The following LDAH variants were observed in gnomAD, a reference collection of about 807,000 sequenced individuals.
The protein encoded by LDAH is lipid droplet-associated hydrolase.
Under a neutral mutation model 29.6 loss-of-function variants are expected in LDAH, and 26 were observed. The observed-to-expected ratio is 0.88, with a 90% confidence interval of 0.64 to 1.22. The LOEUF is 1.22. Among genes scored for constraint, LDAH ranks in the 50% most tolerant of loss-of-function variants. LDAH has a pLI of 0.00. For missense variants in LDAH, 344 were observed against 387.3 expected (o/e 0.89, Z 0.94); for synonymous variants, 117 against 133.0 (o/e 0.88, Z 0.83).
At chr2:20,697,922 A>C (rs920564532) in intron 6 of LDAH, among the ~76,000 whole-genome samples, 3 of 152,218 alleles carry the variant, frequency 2.0e-5, no homozygotes, top group African/African-American at 7.2e-5. Flanking sequence ...AATCACACTA[A>C]CTTGCTCAAG....
chr2:20,788,353 T>C (rs1670702468), intron 3 of LDAH, among the ~76,000 whole-genome samples: 1 of 152,178 alleles, frequency 6.6e-6, no homozygotes, highest in Non-Finnish European at 1.5e-5. Context: ...GGAGTTCACA[T>C]ATGCAGCCAT....
intron 1 of LDAH, among the ~76,000 whole-genome samples, chr2:20,807,018 A>C (rs1371669327): frequency 6.6e-6 from 1 of 152,046 alleles, no homozygotes; most frequent in African/African-American, 2.4e-5. Context: ...AACACCTATA[A>C]ATAAGTAAAC....
chr2:20,768,245 A>G lies in LDAH; in HGVS notation c.468+6565T>C, dbSNP rs539456706. On this transcript the variant is annotated intron_variant, in intron 4 of 6. Transcript: ENST00000237822. ...GCTCGCCATGTTGCGAGTGAAGAGAAGGAGAGAAAATCTGCAGCACTTCAG... is the reference window on the plus strand; with the variant it reads ...GCTCGCCATGTTGCGAGTGAAGAGAGGGAGAGAAAATCTGCAGCACTTCAG... Among the ~76,000 whole-genome samples, 4 of 152,306 alleles carry G rather than the reference A, an allele frequency of 2.6e-5. No individual in the cohort carries two copies. The East Asian group carries it at 7.7e-4, about 29-fold the overall frequency.
At chr2:20,731,412 T>C (rs1216149194) in intron 5 of LDAH, among the ~76,000 whole-genome samples, 1 of 152,220 alleles carries the variant, frequency 6.6e-6, no homozygotes, top group Non-Finnish European at 1.5e-5. Context: ...CCTTCTGCCA[T>C]AAGTAAAAGC....
At chr2:20,748,057 C>T (rs992968503) in intron 4 of LDAH, among the ~76,000 whole-genome samples, 2 of 152,222 alleles carry the variant, frequency 1.3e-5, no homozygotes, top group East Asian at 3.9e-4. Context: ...TAGATATGGG[C>T]TAATCTTTAC....
chr2:20,821,845 A>T (rs1673335939), intron 1 of LDAH, among the ~76,000 whole-genome samples: 1 of 152,240 alleles, frequency 6.6e-6, no homozygotes, highest in Non-Finnish European at 1.5e-5. Flanking sequence ...ATATTAAAAT[A>T]TAAAATTTTA....
intron 6 of LDAH, among the ~76,000 whole-genome samples, chr2:20,697,837 T>C (rs933388016): frequency 2.0e-5 from 3 of 152,210 alleles, no homozygotes; most frequent in Non-Finnish European, 4.4e-5. Context: ...TTCTTTCAAT[T>C]AGGAATACAG....
At chr2:20,701,505 C>T (rs1412627604) in intron 6 of LDAH, 65 bp downstream of exon 6, 2 of 1,301,388 alleles carry the variant, frequency 1.5e-6, no homozygotes, top group African/African-American at 1.5e-5. Flanking sequence ...TAGTTCTAGT[C>T]CTTTGCCCTC....
At chr2:20,779,894 A>G (rs1670070574) in intron 3 of LDAH, among the ~76,000 whole-genome samples, 1 of 152,214 alleles carries the variant, frequency 6.6e-6, no homozygotes, top group Admixed American at 6.5e-5. Context: ...CACATGGAAT[A>G]CAGAAGCCCC....
intron 4 of LDAH, among the ~76,000 whole-genome samples, chr2:20,755,203 C>A (rs1439434716): frequency 6.7e-6 from 1 of 149,616 alleles, no homozygotes; most frequent in Non-Finnish European, 1.5e-5. Flanking sequence ...AAAATATTAA[C>A]AACAGGTAAA....
intron 5 of LDAH, among the ~76,000 whole-genome samples, chr2:20,720,778 TA>T (rs1006780848): frequency 1.3e-5 from 2 of 152,098 alleles, no homozygotes; most frequent in African/African-American, 4.8e-5. Flanking sequence ...GATACTGGCA[TA>T]AAAGCAGACA....
chr2:20,787,917 T>G (rs1670667746), intron 3 of LDAH, among the ~76,000 whole-genome samples: 2 of 152,344 alleles, frequency 1.3e-5, no homozygotes, highest in Admixed American at 6.5e-5. Context: ...AGAAAATATC[T>G]GAGCTATTAC....
intron 5 of LDAH, among the ~76,000 whole-genome samples, chr2:20,728,895 A>G (rs926935104): frequency 6.6e-6 from 1 of 152,204 alleles, no homozygotes; most frequent in African/African-American, 2.4e-5. Context: ...GGATTAAAAG[A>G]TCAGAAAAGG....
At chr2:20,781,428 T>C (rs1475826030) in intron 3 of LDAH, among the ~76,000 whole-genome samples, 1 of 152,248 alleles carries the variant, frequency 6.6e-6, no homozygotes, top group East Asian at 1.9e-4. Context: ...TATGCCCTTT[T>C]TCTCAATGAT....
At chr2:20,687,675 C>T (rs902373784) in intron 6 of LDAH, among the ~76,000 whole-genome samples, 3 of 152,150 alleles carry the variant, frequency 2.0e-5, no homozygotes, top group African/African-American at 4.8e-5. Flanking sequence ...AATCATACTT[C>T]AATTGACAGC....
intron 4 of LDAH, among the ~76,000 whole-genome samples, chr2:20,753,658 C>T (rs1668112258): frequency 6.6e-6 from 1 of 152,186 alleles, no homozygotes; most frequent in Admixed American, 6.5e-5. Flanking sequence ...TCACTTTGCT[C>T]CAGTCACACT....
chr2:20,797,351 T>C (rs535868747), intron 2 of LDAH, among the ~76,000 whole-genome samples: 6 of 152,210 alleles, frequency 3.9e-5, no homozygotes, highest in African/African-American at 1.4e-4. Flanking sequence ...AACAGACAGG[T>C]TTCCACTCTT....
intron 1 of LDAH, among the ~76,000 whole-genome samples, chr2:20,802,810 C>T (rs1412410432): frequency 6.6e-6 from 1 of 152,214 alleles, no homozygotes; most frequent in Non-Finnish European, 1.5e-5. Context: ...TTTATTACCT[C>T]TCTACTCCAA....
chr2:20,754,731 C>T (rs1287395602), intron 4 of LDAH, among the ~76,000 whole-genome samples: 2 of 151,786 alleles, frequency 1.3e-5, no homozygotes, highest in Admixed American at 6.6e-5. Context: ...AAACATGAGA[C>T]AAATACAAAA....
Sources: allele counts gnomAD v4.1 joint callset (sites outside exome capture counted in the v4.1 genomes callset), GRCh38; gene constraint gnomAD v4.1.1; transcripts MANE v1.5; gene names NCBI Gene and HGNC (gene_info 2026-07-23, HGNC 2026-07-21).